The following GPC6 variants were observed in gnomAD, a reference collection of about 807,000 sequenced individuals.
The protein encoded by GPC6 is glypican-6.
A neutral mutation model predicts 55.2 loss-of-function variants in GPC6; 14 were observed. The observed-to-expected ratio is 0.25, with a 90% CI of 0.17 to 0.40. GPC6 has a LOEUF of 0.40. GPC6 is among the 10% of genes least tolerant of loss of function. The pLI is 1.00. For missense variants in GPC6, 641 were observed against 708.5 expected, an observed-to-expected ratio of 0.90 and a Z score of 1.08; for synonymous variants, 278 against 259.6, an observed-to-expected ratio of 1.07 and a Z score of -0.68.
intron 2 of GPC6, among the ~76,000 whole-genome samples, chr13:93,648,769 C>T (rs1352211210): frequency 2.0e-5 from 3 of 152,008 alleles, no homozygotes; most frequent in African/African-American, 4.8e-5. Flanking sequence ...TATAGCTATA[C>T]CCCAAAATGC....
At chr13:93,642,853 G>A (rs1048130481) in intron 2 of GPC6, among the ~76,000 whole-genome samples, 1 of 152,042 alleles carries the variant, frequency 6.6e-6, no homozygotes, top group Admixed American at 6.6e-5. Context: ...CACTTGCAGT[G>A]GTTTCATCAG....
At chr13:93,898,966 TACACAC>T (rs1555340187) in intron 3 of GPC6, among the ~76,000 whole-genome samples, 1 of 137,090 alleles carries the variant, frequency 7.3e-6, no homozygotes, top group Non-Finnish European at 1.6e-5. Flanking sequence ...TATATATATA[TACACAC>T]ACATATATAT....
intron 2 of GPC6, among the ~76,000 whole-genome samples, chr13:93,719,640 G>A (rs538297389): frequency 1.3e-5 from 2 of 152,196 alleles, no homozygotes; most frequent in South Asian, 2.1e-4. Context: ...AGTGGTGAGA[G>A]AGGGCATTTT....
intron 1 of GPC6, among the ~76,000 whole-genome samples, chr13:93,308,824 A>G: frequency 6.6e-6 from 1 of 152,220 alleles, no homozygotes; most frequent in Admixed American, 6.5e-5. Context: ...GGCTAAGAAA[A>G]TATTAGGAAG....
intron 6 of GPC6, among the ~76,000 whole-genome samples, chr13:94,310,928 C>T (rs1371219059): frequency 6.6e-6 from 1 of 152,090 alleles, no homozygotes; most frequent in Non-Finnish European, 1.5e-5. Context: ...AAGAACAAAC[C>T]AACATCAGCC....
intron 3 of GPC6, among the ~76,000 whole-genome samples, chr13:93,880,450 C>T (rs1480434125): frequency 2.6e-5 from 4 of 152,020 alleles, no homozygotes; most frequent in East Asian, 1.9e-4. Flanking sequence ...TCATTCTCAG[C>T]AAACTATCGC....
chr13:94,023,597 C>T (rs757681522), intron 3 of GPC6, among the ~76,000 whole-genome samples: 2 of 152,008 alleles, frequency 1.3e-5, no homozygotes, highest in Non-Finnish European at 2.9e-5. Flanking sequence ...CTCTTACCAC[C>T]ATGTGATCCA....
chr13:93,908,628 G>C (rs1876799798), intron 3 of GPC6, among the ~76,000 whole-genome samples: 1 of 152,140 alleles, frequency 6.6e-6, no homozygotes, highest in South Asian at 2.1e-4. Flanking sequence ...GGGGGAAGGA[G>C]TAACAAATGC....
At chr13:93,362,497 A>G (rs1347746386) in intron 1 of GPC6, among the ~76,000 whole-genome samples, 1 of 152,160 alleles carries the variant, frequency 6.6e-6, no homozygotes, top group African/African-American at 2.4e-5. Flanking sequence ...ATAACTGCAA[A>G]GGAAAGGTGC....
intron 1 of GPC6, among the ~76,000 whole-genome samples, chr13:93,386,993 G>C (rs1875433007): frequency 6.6e-6 from 1 of 152,074 alleles, no homozygotes; most frequent in Non-Finnish European, 1.5e-5. Context: ...AATTCAGCAC[G>C]ATCTCAACTA....
At chr13:94,376,970 A>G (rs1406506865) in intron 6 of GPC6, among the ~76,000 whole-genome samples, 1 of 151,872 alleles carries the variant, frequency 6.6e-6, no homozygotes, top group Non-Finnish European at 1.5e-5. Context: ...TATTTAATAA[A>G]TGGTGCTGGG....
At chr13:93,796,507 T>G (rs1886201375) in intron 2 of GPC6, among the ~76,000 whole-genome samples, 1 of 152,016 alleles carries the variant, frequency 6.6e-6, no homozygotes, top group Admixed American at 6.6e-5. Flanking sequence ...ATTAATGAAG[T>G]TTTTTGAAAA....
chr13:93,673,593 C>A (rs999209972), intron 2 of GPC6, among the ~76,000 whole-genome samples: 1 of 152,046 alleles, frequency 6.6e-6, no homozygotes, highest in Non-Finnish European at 1.5e-5. Flanking sequence ...ACTTAATGAT[C>A]ACCTAAAGTC....
At chr13:93,860,969 C>T (rs983165036) in intron 3 of GPC6, among the ~76,000 whole-genome samples, 6 of 151,430 alleles carry the variant, frequency 4.0e-5, no homozygotes, top group Admixed American at 2.6e-4. Context: ...GGACTTGGAA[C>T]TTCTACCTTC....
chr13:93,654,905 A>C lies in GPC6; in HGVS notation c.319+109484A>C, dbSNP rs928400941. On this transcript the variant is annotated intron_variant, in intron 2 of 8. Transcript: ENST00000377047. ...AGGCTGGAGTGCAGTGGCGCGATCTAGGCTCACTGCAAGCTCCGCCTCCCG... is the reference window on the plus strand; with the variant it reads ...AGGCTGGAGTGCAGTGGCGCGATCTCGGCTCACTGCAAGCTCCGCCTCCCG... 4.6e-3 allele frequency among the ~76,000 whole-genome samples: 675 copies of C among 145,654 alleles called. 8 individuals are homozygous for C. Among genetic ancestry groups the C allele is most frequent in the African/African-American group, 0.016 (636 of 39,288 alleles).
chr13:94,185,555 T>C (rs976806516), intron 4 of GPC6, among the ~76,000 whole-genome samples: 2 of 151,876 alleles, frequency 1.3e-5, no homozygotes, highest in Non-Finnish European at 2.9e-5. Context: ...TATATAGCCA[T>C]TGGGGATAAT....
chr13:93,909,856 C>A (rs1437525177), intron 3 of GPC6, among the ~76,000 whole-genome samples: 2 of 152,084 alleles, frequency 1.3e-5, no homozygotes, highest in Non-Finnish European at 2.9e-5. Flanking sequence ...TAATTTATCT[C>A]CCTCCTCTTC....
At chr13:94,271,342 C>T (rs1348672007) in intron 4 of GPC6, among the ~76,000 whole-genome samples, 1 of 148,822 alleles carries the variant, frequency 6.7e-6, no homozygotes, top group Non-Finnish European at 1.5e-5. Context: ...TCCCTTGCCT[C>T]ACACTTGTTA....
chr13:94,124,522 G>A (rs1028782832), intron 4 of GPC6, among the ~76,000 whole-genome samples: 1 of 151,994 alleles, frequency 6.6e-6, no homozygotes, highest in African/African-American at 2.4e-5. Flanking sequence ...GACTTTCTAG[G>A]CAGTAAAGGG....
Sources: gnomAD v4.1 joint callset for allele counts (sites outside exome capture counted in the v4.1 genomes callset) on GRCh38, gnomAD v4.1.1 for gene constraint, MANE v1.5 for transcripts, NCBI Gene and HGNC (gene_info 2026-07-23, HGNC 2026-07-21) for gene names.